The following ITPK1 variants were observed in gnomAD, a reference collection of about 807,000 sequenced individuals.
ITPK1 encodes the protein inositol-tetrakisphosphate 1-kinase.
In ITPK1, 21 loss-of-function variants were observed where a neutral mutation model predicts 45.3. The ratio of observed to expected loss-of-function variants is 0.46; its 90% CI spans 0.33 to 0.67. The LOEUF (loss-of-function observed/expected upper bound fraction) is 0.67. Ranked by LOEUF, ITPK1 falls within the 30% of genes least tolerant of loss-of-function variation. ITPK1 has a pLI of 0.02. For missense variants in ITPK1, 474 were observed against 573.5 expected (o/e 0.83, Z 1.77); for synonymous variants, 258 against 253.6 (o/e 1.02, Z -0.16).
At chr14:92,953,435 C>A (rs1888054394) in intron 8 of ITPK1, among the ~76,000 whole-genome samples, 1 of 152,246 alleles carries the variant, frequency 6.6e-6, no homozygotes, top group African/African-American at 2.4e-5. Context: ...ACTCCCAAGG[C>A]ACCGACAGCC....
chr14:92,957,685 T>C (rs909260462), intron 8 of ITPK1, among the ~76,000 whole-genome samples: 2 of 152,210 alleles, frequency 1.3e-5, no homozygotes, highest in Admixed American at 1.3e-4. Context: ...AGAAGACCTG[T>C]AACCCGGCAG....
At chr14:92,966,927 C>T (rs949825782) in intron 5 of ITPK1, among the ~76,000 whole-genome samples, 2 of 152,168 alleles carry the variant, frequency 1.3e-5, no homozygotes, top group African/African-American at 2.4e-5. Context: ...TACTTCACAT[C>T]GTATACAAAA....
chr14:93,021,592 CAAAAAAAA>C (rs553457298), intron 3 of ITPK1, among the ~76,000 whole-genome samples: 24 of 140,150 alleles, frequency 1.7e-4, no homozygotes, highest in Admixed American at 8.6e-4. Context: ...GACCCTGTCT[CAAAAAAAA>C]AAAGAAAAGA....
At chr14:92,956,375 C>A (rs902917311) in intron 8 of ITPK1, among the ~76,000 whole-genome samples, 1 of 151,924 alleles carries the variant, frequency 6.6e-6, no homozygotes, top group Non-Finnish European at 1.5e-5. Flanking sequence ...AGCAATCTTC[C>A]CACCTTGGTC....
rs1225498815 is a variant in ITPK1, at chr14:93,032,343, C to A, written c.121-15542G>T. ...CCAGGCTGGGCGACAGAGCGAGACT[C>A]CATCTCAAATAATAATAATAATAAT... On this transcript the variant is annotated intron_variant, in intron 3 of 10. Coordinates refer to ENST00000267615, the MANE Select transcript of ITPK1 (RefSeq NM_014216.6). The surrounding 1 kb of genome is among the most constrained non-coding windows in gnomAD (Gnocchi z 4.0). Among the ~76,000 whole-genome samples the A allele has an allele frequency of 4.7e-5, 6 of 127,238 alleles. No individual in the cohort carries two copies. The highest frequency in any genetic ancestry group is 7.0e-5 in the African/African-American group (2 of 28,508). 83.5% of individuals were successfully genotyped at this position (127,238 alleles called of 152,430 possible).
intron 3 of ITPK1, among the ~76,000 whole-genome samples, chr14:93,031,669 G>A (rs1889069055): frequency 6.6e-6 from 1 of 152,180 alleles, no homozygotes; most frequent in African/African-American, 2.4e-5. Context: ...GGCTCCAAGA[G>A]GTGGTGGTAA....
rs1887222667 is a variant in ITPK1, at chr14:92,938,752, C to T, written c.*2809G>A. The T allele has an allele frequency of 1.7e-6, 1 of 592,764 alleles. No homozygotes were observed. Among genetic ancestry groups the T allele is most frequent in the Non-Finnish European group, 3.0e-6 (1 of 333,634 alleles). 36.7% of individuals were successfully genotyped at this position (592,764 alleles called of 1,614,324 possible). ...AAAGCACCAGTTCCAGGGTGGCCTC[C>T]CCTTGGCTCTTGGGGTGGGGACACC... On this transcript the variant is annotated 3_prime_UTR_variant, in exon 11 of 11. Coordinates refer to ENST00000267615, the MANE Select transcript of ITPK1 (RefSeq NM_014216.6).
intron 3 of ITPK1, among the ~76,000 whole-genome samples, chr14:93,033,585 T>C (rs544792905): frequency 3.3e-5 from 5 of 152,170 alleles, no homozygotes; most frequent in African/African-American, 1.2e-4. Context: ...AGTGGGAGCC[T>C]TGGGGCTGGG....
chr14:92,940,001 G>A lies in ITPK1; in HGVS notation c.*1560C>T, dbSNP rs1487830524. 2.0e-6 allele frequency: 2 copies of A among 985,774 alleles called. No individual in the cohort carries two copies. The highest frequency in any genetic ancestry group is 2.4e-6 in the Non-Finnish European group (2 of 829,966). 61.1% of individuals were successfully genotyped at this position (985,774 alleles called of 1,614,324 possible). The stretch of plus-strand genomic sequence containing the variant: ...AATCGGGGTTCAAAACTCAAGTCGT[G>A]TAAACGTGGTTAGTTGTTGGGTCCT... On this transcript the variant is annotated 3_prime_UTR_variant, in exon 11 of 11. Transcript: ENST00000267615.
intron 2 of ITPK1, among the ~76,000 whole-genome samples, chr14:93,085,397 C>T (rs1003228218): frequency 5.3e-5 from 8 of 152,172 alleles, no homozygotes; most frequent in Non-Finnish European, 1.2e-4. Flanking sequence ...CAGGCCGGCC[C>T]CAAAGTCCGG....
At chr14:93,088,331 G>GT (rs1428025538) in intron 2 of ITPK1, among the ~76,000 whole-genome samples, 5 of 130,616 alleles carry the variant, frequency 3.8e-5, no homozygotes, top group East Asian at 4.2e-4. Flanking sequence ...TTCTTTTTTG[G>GT]TTTTGTTTTG....
intron 4 of ITPK1, among the ~76,000 whole-genome samples, chr14:93,005,264 G>C (rs984642145): frequency 3.3e-5 from 5 of 152,168 alleles, no homozygotes; most frequent in Non-Finnish European, 7.3e-5. Flanking sequence ...TGATCTCTGT[G>C]ATTTGGTAGA....
intron 5 of ITPK1, among the ~76,000 whole-genome samples, chr14:92,975,972 C>T (rs1002359292): frequency 3.3e-5 from 5 of 152,248 alleles, no homozygotes; most frequent in African/African-American, 1.2e-4. Context: ...CCATGCTCCC[C>T]TGCTTCATTC....
rs531619194 is a variant in ITPK1 at position 92,956,819 on chromosome 14, A to G, written c.670+1382T>C. Among the ~76,000 whole-genome samples, 9 of 152,342 alleles carry G rather than the reference A, an allele frequency of 5.9e-5. No individual in the cohort carries two copies. The East Asian group carries it at 1.7e-3, about 29-fold the overall frequency. ...AAAAAATGTCAGCCTCTTCCAGCCC[A>G]TAACTTGGAGGAATATCTCTTGGTG... On this transcript the variant is annotated intron_variant, in intron 8 of 10. Coordinates refer to ENST00000267615, the MANE Select transcript of ITPK1 (RefSeq NM_014216.6).
intron 5 of ITPK1, among the ~76,000 whole-genome samples, chr14:92,972,982 G>A (rs1044383723): frequency 3.3e-5 from 5 of 152,152 alleles, no homozygotes; most frequent in East Asian, 1.9e-4. Flanking sequence ...GATGGTCCCC[G>A]TTCCATGCCT....
chr14:92,991,372 C>T (rs141746853), intron 5 of ITPK1, among the ~76,000 whole-genome samples: 3 of 152,042 alleles, frequency 2.0e-5, no homozygotes, highest in Admixed American at 6.5e-5. Flanking sequence ...CCAGGCTCGG[C>T]GTGCACGATA....
intron 2 of ITPK1, among the ~76,000 whole-genome samples, chr14:93,096,162 C>A (rs1490491572): frequency 2.0e-5 from 3 of 152,180 alleles, no homozygotes; most frequent in Non-Finnish European, 4.4e-5. Flanking sequence ...CCTCCTGTGC[C>A]CCTGGGGCCT....
rs374010739 is a variant in ITPK1, at chr14:92,962,802, C to T, written c.412G>A (p.Gly138Arg). The T allele has an allele frequency of 3.7e-6, 6 of 1,613,890 alleles. No individual in the cohort carries two copies. The highest frequency in any genetic ancestry group is 2.7e-5 in the African/African-American group (2 of 74,924). Reference protein sequence around the residue: ...PPFMELTSLCGDDTMRLLEKN... With the variant: ...PPFMELTSLCRDDTMRLLEKN... ...TCCAGCAGCCGCATGGTGTCATCCC[C>T]GCACAGGCTCGTGAGCTCCATGAAG... Residue 138 changes from glycine (G) to arginine (R), a missense_variant, in exon 6 of 11, where the codon GGG becomes AGG. Physicochemically the swap from Gly to Arg is moderately radical, Grantham distance 125. Transcript: ENST00000267615.
chr14:93,051,080 G>A (rs376392936), intron 3 of ITPK1, among the ~76,000 whole-genome samples: 79 of 152,148 alleles, frequency 5.2e-4, no homozygotes, highest in Non-Finnish European at 9.3e-4. Context: ...GACACCTGAC[G>A]GACAAGGAAC....
Sources: gnomAD v4.1 joint callset for allele counts (sites outside exome capture counted in the v4.1 genomes callset) on GRCh38, gnomAD v4.1.1 for gene constraint, Gnocchi (gnomAD v3.1) non-coding constraint, MANE v1.5 for transcripts, NCBI Gene and HGNC (gene_info 2026-07-23, HGNC 2026-07-21) for gene names.